Variants in TATDN2 observed in about 807,000 individuals in gnomAD.
TATDN2 encodes TatD DNase domain containing 2.
In TATDN2, 44 loss-of-function variants were observed where a neutral mutation model predicts 60.3. The ratio of observed to expected loss-of-function variants is 0.73; its 90% CI spans 0.57 to 0.94. The LOEUF is 0.94. Among genes scored for constraint, TATDN2 ranks in the 40% least tolerant of loss-of-function variants. TATDN2 has a pLI of 0.00. For synonymous variants in TATDN2, 399 were observed against 355.8 expected (o/e 1.12, Z -1.37); for missense variants, 997 against 948.0 (o/e 1.05, Z -0.68).
rs1698675291 is a variant in TATDN2, at chr3:10,278,754, C to T, written c.2146-131C>T. 7.2e-7 allele frequency: 1 copy of T among 1,391,578 alleles called. No individual in the cohort carries two copies. The highest frequency in any genetic ancestry group is 9.9e-7 in the Non-Finnish European group (1 of 1,005,040). The allele number at this position is 1,391,578 out of a possible 1,614,324, so 86.2% of individuals were successfully genotyped here. A position where few individuals can be genotyped will look rare whatever the true frequency, so the allele number is the denominator to read the frequency against. ...CCCCATGACTAGGACTCTCCCTGCA[C>T]CTGCAGGTAAAGGGGTCTCTACAGG... On this transcript the variant is annotated intron_variant, in intron 6 of 7. Transcript: ENST00000448281. This position sits in a 1 kb window ranked among gnomAD's most constrained non-coding sequence, Gnocchi z 4.7.
At chr3:10,273,170 A>G (rs1393784162) in intron 4 of TATDN2, among the ~76,000 whole-genome samples, 1 of 152,236 alleles carries the variant, frequency 6.6e-6, no homozygotes, top group African/African-American at 2.4e-5. Flanking sequence ...ATTTGACTCA[A>G]GACTGGAAGA....
chr3:10,261,300 T>C (rs868631916), intron 3 of TATDN2, among the ~76,000 whole-genome samples: 8 of 152,178 alleles, frequency 5.3e-5, no homozygotes, highest in African/African-American at 1.7e-4. Flanking sequence ...AAGGATGTCA[T>C]TGGACGGAAA....
intron 4 of TATDN2, among the ~76,000 whole-genome samples, chr3:10,275,268 C>T (rs542107209): frequency 6.6e-6 from 1 of 152,220 alleles, no homozygotes; most frequent in African/African-American, 2.4e-5. Flanking sequence ...TGTGAGCCAC[C>T]ACGCCTGGTG....
intron 3 of TATDN2, among the ~76,000 whole-genome samples, chr3:10,261,244 G>C (rs1366200965): frequency 6.6e-6 from 1 of 152,200 alleles, no homozygotes; most frequent in African/African-American, 2.4e-5. Context: ...TGGAAAATCA[G>C]CCTTTATCTA....
At position 10,249,212 on chromosome 3, in the gene TATDN2, G is replaced by A. The variant is rs1356182198; in HGVS notation, c.12G>A (p.Glu4=). The change falls in exon 2 of 8, where the codon GAG becomes GAA. Residue 4 remains glutamate (E), a synonymous_variant. Coordinates refer to ENST00000448281, the MANE Select transcript of TATDN2 (RefSeq NM_014760.4). Reference sequence around the variant, plus strand: ...CCTTGCAGGTGCCCATGGCGTCCGAGCGGGGCAAGGTCAAGCACAACTGGA... The same window carrying A: ...CCTTGCAGGTGCCCATGGCGTCCGAACGGGGCAAGGTCAAGCACAACTGGA... The part of the protein sequence containing the change: MAS[E]RGKVKHNWSS... 2.6e-6 allele frequency: 4 copies of A among 1,512,354 alleles called. No homozygotes were observed. The highest frequency in any genetic ancestry group is 3.5e-6 in the Non-Finnish European group (4 of 1,129,148). The allele number at this position is 1,512,354 out of a possible 1,614,324, so 93.7% of individuals were successfully genotyped here.
chr3:10,249,067 G>C lies in TATDN2; in HGVS notation c.-7G>C. ...ATGGGCAGTGGAAAGAAGAGGGAAA[G>C]GTCAGTGAGGCTAGCCCCTGGCTCT... is the stretch of plus-strand genomic sequence containing the variant. On this transcript the variant is annotated splice_region_variant and 5_prime_UTR_variant, in exon 1 of 8. Coordinates refer to ENST00000448281, the MANE Select transcript of TATDN2 (RefSeq NM_014760.4). The C allele has an allele frequency of 9.6e-7, 1 of 1,039,824 alleles. No individual in the cohort carries two copies. Among genetic ancestry groups the C allele is most frequent in the Non-Finnish European group, 1.3e-6 (1 of 760,976 alleles). The allele number at this position is 1,039,824 out of a possible 1,614,324, so 64.4% of individuals were successfully genotyped here.
Position 10,276,416 on chromosome 3 carries a change from A to G in TATDN2, c.1889A>G (p.His630Arg). The part of the protein sequence containing the change: ...AVSLKKPLVI[H>R]CREADEDLLE... ...TCTCTAAAGAAGCCCTTGGTGATCC[A>G]CTGCCGAGAAGCTGATGAAGATCTG... The change falls in exon 5 of 8, where the codon CAC becomes CGC. Residue 630 changes from histidine to arginine, a missense_variant. By Grantham distance (29) the His-to-Arg change is conservative (BLOSUM62 0). Transcript: ENST00000448281. 6.2e-7 allele frequency: 1 copy of G among 1,614,012 alleles called. No homozygotes were observed. The highest frequency in any genetic ancestry group is 2.2e-5 in the East Asian group (1 of 44,876).
Position 10,248,885 on chromosome 3 carries a change from C to A in TATDN2, c.-189C>A. ...TCAAAGCGCTTCGTAGCCCCGGAAG[C>A]GCTTAGGCATCTCCGAAGTAGCGCT... is the stretch of plus-strand genomic sequence containing the variant. On this transcript the variant is annotated 5_prime_UTR_variant, in exon 1 of 8. Coordinates refer to ENST00000448281, the MANE Select transcript of TATDN2 (RefSeq NM_014760.4). 1 of 343,408 alleles carries A rather than the reference C, an allele frequency of 2.9e-6. No individual in the cohort carries two copies. The highest frequency in any genetic ancestry group is 5.2e-6 in the Non-Finnish European group (1 of 191,396). 21.3% of individuals were successfully genotyped at this position (343,408 alleles called of 1,614,324 possible). A position where few individuals can be genotyped will look rare whatever the true frequency, so the allele number is the denominator to read the frequency against.
chr3:10,275,023 C>G (rs1031584371), intron 4 of TATDN2, among the ~76,000 whole-genome samples: 4 of 140,818 alleles, frequency 2.8e-5, no homozygotes, highest in South Asian at 2.2e-4. Context: ...CAGTCTTGCT[C>G]TGTCCAGGCT....
chr3:10,270,290 T>C lies in TATDN2; in HGVS notation c.1108T>C (p.Tyr370His), dbSNP rs771578672. ...TTCCTTCACCACCGACTATGTCATGTACCCTCCTCATTTGTACAGTAGTCC... is the reference window on the plus strand; with the variant it reads ...TTCCTTCACCACCGACTATGTCATGCACCCTCCTCATTTGTACAGTAGTCC... ...PSSFTTDYVM[Y>H]PPHLYSSPWC... is the part of the protein sequence containing the mutation. Residue 370 changes from tyrosine to histidine, a missense_variant, in exon 4 of 8, where the codon TAC (tyrosine) becomes CAC (histidine). Physicochemically the swap from Tyr to His is moderately conservative, Grantham distance 83. Transcript: ENST00000448281. 7.4e-6 allele frequency: 12 copies of C among 1,614,112 alleles called. No individual in the cohort carries two copies. Among genetic ancestry groups the C allele is most frequent in the Non-Finnish European group, 1.0e-5 (12 of 1,180,046 alleles).
intron 3 of TATDN2, among the ~76,000 whole-genome samples, chr3:10,269,667 T>G (rs943090900): frequency 1.1e-4 from 17 of 152,082 alleles, no homozygotes; most frequent in Non-Finnish European, 2.2e-4. Flanking sequence ...CACCACCGCA[T>G]TCCAGCCTGG....
Position 10,278,559 on chromosome 3 carries a change from A to T in TATDN2, c.2145+97A>T. ...GGTTGGCAGGGCCAGAGCCCCAGTG[A>T]CTTCCAGGTCCCATCCTGGGCTGTG... On this transcript the variant is annotated intron_variant, in intron 6 of 7. Coordinates refer to ENST00000448281, the MANE Select transcript of TATDN2 (RefSeq NM_014760.4). The surrounding 1 kb of genome is among the most constrained non-coding windows in gnomAD (Gnocchi z 4.7). The T allele has an allele frequency of 6.6e-7, 1 of 1,513,366 alleles. No homozygotes were observed. The highest frequency in any genetic ancestry group is 9.1e-7 in the Non-Finnish European group (1 of 1,095,376). 93.7% of individuals were successfully genotyped at this position (1,513,366 alleles called of 1,614,324 possible).
rs60747520 is a variant in TATDN2 at position 10,262,527 on chromosome 3, C to CTTTTTTTTT, written c.948+1873_948+1881dup. ...AAGGCATTGCTCCTTTTCTTCTGGG[C>CTTTTTTTTT]TTTTTTTTTTTTTTTTTTTTTTTTG... On this transcript the variant is annotated intron_variant, in intron 3 of 7. Transcript: ENST00000448281. Among the ~76,000 whole-genome samples, 29 of 59,986 alleles carry CTTTTTTTTT rather than the reference C, an allele frequency of 4.8e-4. 3 individuals are homozygous for CTTTTTTTTT. Among genetic ancestry groups the CTTTTTTTTT allele is most frequent in the African/African-American group, 8.8e-4 (12 of 13,632 alleles). The allele number at this position is 59,986 out of a possible 152,430, so 39.4% of individuals were successfully genotyped here. A position where few individuals can be genotyped will look rare whatever the true frequency, so the allele number is the denominator to read the frequency against.
intron 4 of TATDN2, among the ~76,000 whole-genome samples, chr3:10,274,031 C>G (rs1195989518): frequency 6.6e-6 from 1 of 152,198 alleles, no homozygotes; most frequent in Non-Finnish European, 1.5e-5. Flanking sequence ...GAGACTAACT[C>G]TGGAATCCCT....
At position 10,260,194 on chromosome 3, in the gene TATDN2, G is replaced by GA; in HGVS notation, c.473dup (p.Gln160SerfsTer3). The GA allele has an allele frequency of 6.2e-7, 1 of 1,614,056 alleles. No homozygotes were observed. The highest frequency in any genetic ancestry group is 1.7e-5 in the Admixed American group (1 of 60,006). On this transcript the variant is annotated frameshift_variant, in exon 3 of 8. Coordinates refer to ENST00000448281, the MANE Select transcript of TATDN2 (RefSeq NM_014760.4). LOFTEE classifies it high-confidence loss of function. Reference sequence around the variant, plus strand: ...AAACTCTGAATTTGCAGCTGAAGCTGAGGGTCAGAATGATACAATTGAGGA... The same window carrying GA: ...AAACTCTGAATTTGCAGCTGAAGCTGAAGGGTCAGAATGATACAATTGAGGA...
intron 2 of TATDN2, 111 bp downstream of exon 2, chr3:10,249,725 T>G: frequency 7.9e-7 from 1 of 1,257,946 alleles, no homozygotes; most frequent in Non-Finnish European, 1.0e-6. Context: ...TCCTTGAAGG[T>G]CTGGAAGGTC....
At chr3:10,277,544 C>T (rs762718494) in intron 5 of TATDN2, among the ~76,000 whole-genome samples, 4 of 152,138 alleles carry the variant, frequency 2.6e-5, no homozygotes, top group African/African-American at 4.8e-5. Context: ...GCACCCAAAT[C>T]GGGTCTTGTC....
chr3:10,275,759 AAAAC>A, intron 4 of TATDN2, among the ~76,000 whole-genome samples: 1 of 856 alleles, frequency 1.2e-3, no homozygotes, highest in African/African-American at 7.0e-3. Context: ...AAAACAAAAC[AAAAC>A]AAAACAAAAA....
At position 10,260,328 on chromosome 3, in the gene TATDN2, G is replaced by A; in HGVS notation, c.606G>A (p.Arg202=). 1.2e-6 allele frequency: 2 copies of A among 1,614,186 alleles called. No individual in the cohort carries two copies. Among genetic ancestry groups the A allele is most frequent in the Non-Finnish European group, 1.7e-6 (2 of 1,180,020 alleles). ...TCCTGGGGAAATCGATGCCAAAAAGGAAGGGAGAGGCTGCCACTCGGGCAA... is the reference window on the plus strand; with the variant it reads ...TCCTGGGGAAATCGATGCCAAAAAGAAAGGGAGAGGCTGCCACTCGGGCAA... ...QGILGKSMPK[R]KGEAATRAKP... The change falls in exon 3 of 8, where the codon AGG becomes AGA. Residue 202 remains arginine (R), a synonymous_variant. Transcript: ENST00000448281.
Sources: allele counts gnomAD v4.1 joint callset (sites outside exome capture counted in the v4.1 genomes callset), GRCh38; gene constraint gnomAD v4.1.1; non-coding constraint Gnocchi (gnomAD v3.1); transcripts MANE v1.5; gene names NCBI Gene and HGNC (gene_info 2026-07-23, HGNC 2026-07-21).